Variants in RSRC1 observed in about 807,000 individuals in gnomAD.
RSRC1 encodes the protein arginine and serine rich coiled-coil 1, also known as serine/Arginine-related protein 53.
In RSRC1, 39 loss-of-function variants were observed where a neutral mutation model predicts 49.1. The observed-to-expected ratio is 0.79, with a 90% CI of 0.61 to 1.04. The LOEUF is 1.04. RSRC1 is among the 50% of genes least tolerant of loss of function. The pLI is 0.00. For missense variants in RSRC1, 388 were observed against 402.4 expected, an observed-to-expected ratio of 0.96 and a Z score of 0.31; for synonymous variants, 143 against 130.8, an observed-to-expected ratio of 1.09 and a Z score of -0.63.
At chr3:158,153,755 C>G (rs1326407994) in intron 3 of RSRC1, among the ~76,000 whole-genome samples, 2 of 152,146 alleles carry the variant, frequency 1.3e-5, no homozygotes, top group Non-Finnish European at 2.9e-5. Context: ...CGAACCTATA[C>G]TGTAAAGTTT....
chr3:158,157,790 C>T (rs1485666432), intron 3 of RSRC1, among the ~76,000 whole-genome samples: 2 of 152,192 alleles, frequency 1.3e-5, no homozygotes, highest in East Asian at 3.9e-4. Flanking sequence ...TGGCACATGC[C>T]TGTAATCCCA....
At chr3:158,224,587 T>A (rs954497763) in intron 4 of RSRC1, among the ~76,000 whole-genome samples, 5 of 151,852 alleles carry the variant, frequency 3.3e-5, no homozygotes, top group Non-Finnish European at 5.9e-5. Context: ...TTAAAGGCTT[T>A]CTCATTTCCT....
chr3:158,269,567 C>T (rs549214821), intron 4 of RSRC1, among the ~76,000 whole-genome samples: 1 of 151,968 alleles, frequency 6.6e-6, no homozygotes, highest in Non-Finnish European at 1.5e-5. Context: ...GGCTGAAGTG[C>T]AGTGGCACAA....
chr3:158,306,837 C>T (rs973205961), intron 5 of RSRC1, among the ~76,000 whole-genome samples: 1 of 151,888 alleles, frequency 6.6e-6, no homozygotes, highest in African/African-American at 2.4e-5. Context: ...CTTGTTGACT[C>T]TACCTTTTAA....
intron 3 of RSRC1, among the ~76,000 whole-genome samples, chr3:158,162,460 C>G (rs1368148437): frequency 6.6e-6 from 1 of 152,056 alleles, no homozygotes; most frequent in Admixed American, 6.6e-5. Context: ...ATATAACATT[C>G]AATGGAGTAG....
chr3:158,132,119 G>T (rs1213694692), intron 3 of RSRC1: 2 of 447,612 alleles, frequency 4.5e-6, no homozygotes, highest in Non-Finnish European at 9.0e-6. Flanking sequence ...GGGTAGCTGG[G>T]ACTACAGGTA....
At chr3:158,334,647 A>AC (rs1553788474) in intron 5 of RSRC1, among the ~76,000 whole-genome samples, 4 of 52,790 alleles carry the variant, frequency 7.6e-5, no homozygotes, top group Non-Finnish European at 1.5e-4. Flanking sequence ...CACCCAGCTA[A>AC]TTTGTGTGTG....
At chr3:158,443,755 C>G (rs2108377848) in intron 6 of RSRC1, among the ~76,000 whole-genome samples, 1 of 152,296 alleles carries the variant, frequency 6.6e-6, no homozygotes, top group South Asian at 2.1e-4. Context: ...TCCCTCATCT[C>G]AGCTTTTGAC....
chr3:158,518,561 T>C (rs2108487108), intron 7 of RSRC1, among the ~76,000 whole-genome samples: 1 of 152,246 alleles, frequency 6.6e-6, no homozygotes, highest in South Asian at 2.1e-4. Context: ...AAGTATCATT[T>C]AATTTATCAT....
intron 4 of RSRC1, among the ~76,000 whole-genome samples, chr3:158,262,666 AATAAT>A (rs1724967391): frequency 6.6e-6 from 1 of 152,164 alleles, no homozygotes; most frequent in Non-Finnish European, 1.5e-5. Flanking sequence ...TTGACATGTT[AATAAT>A]ATTGACTCTT....
intron 1 of RSRC1, among the ~76,000 whole-genome samples, chr3:158,121,873 G>A (rs1715282311): frequency 6.6e-6 from 1 of 152,094 alleles, no homozygotes; most frequent in Non-Finnish European, 1.5e-5. Flanking sequence ...AGAAATGGTG[G>A]CTCATGCCTG....
chr3:158,434,088 A>G (rs903108149), intron 6 of RSRC1, among the ~76,000 whole-genome samples: 1 of 151,970 alleles, frequency 6.6e-6, no homozygotes, highest in Admixed American at 6.6e-5. Flanking sequence ...TCACAATTAG[A>G]TCACTGCTAT....
chr3:158,417,527 G>A (rs909885196), intron 6 of RSRC1, among the ~76,000 whole-genome samples: 1 of 151,848 alleles, frequency 6.6e-6, no homozygotes, highest in African/African-American at 2.4e-5. Flanking sequence ...TCTGAAAAAC[G>A]GTTTTCACTA....
At chr3:158,216,166 C>G (rs1221761932) in intron 4 of RSRC1, among the ~76,000 whole-genome samples, 3 of 151,362 alleles carry the variant, frequency 2.0e-5, no homozygotes, top group Non-Finnish European at 3.0e-5. Flanking sequence ...TTTAATAGTT[C>G]CATAATATAA....
chr3:158,115,848 T>C (rs1714769994), intron 1 of RSRC1, among the ~76,000 whole-genome samples: 1 of 152,190 alleles, frequency 6.6e-6, no homozygotes, highest in South Asian at 2.1e-4. Context: ...GTCTTTCGTA[T>C]TACACCAAAA....
rs151130346 is a variant in RSRC1 at position 158,226,627 on chromosome 3, A to C, written c.494+23382A>C. ...TTGCACTTTTGTCCACAGTGACTCC[A>C]TGGTAAAGTACATGACTCAGCATCC... On this transcript the variant is annotated intron_variant, in intron 4 of 9. Transcript: ENST00000611884. Among the ~76,000 whole-genome samples the C allele has an allele frequency of 2.0e-5, 3 of 152,036 alleles. No homozygotes were observed. In the East Asian group the frequency reaches 5.8e-4, roughly 30 times the overall value.
At chr3:158,162,584 T>G (rs1267770783) in intron 3 of RSRC1, among the ~76,000 whole-genome samples, 1 of 152,202 alleles carries the variant, frequency 6.6e-6, no homozygotes, top group Non-Finnish European at 1.5e-5. Context: ...GCCTTTGCAT[T>G]GCTTACTTTT....
chr3:158,325,344 G>C lies in RSRC1; in HGVS notation c.531+27269G>C, dbSNP rs963957994. Reference sequence around the variant, plus strand: ...ATAGTATTGCCTAGGTTTTCTTCTAGGGTTTTTATGGTTTTAGGTCTAAGA... The same window carrying C: ...ATAGTATTGCCTAGGTTTTCTTCTACGGTTTTTATGGTTTTAGGTCTAAGA... On this transcript the variant is annotated intron_variant, in intron 5 of 9. Transcript: ENST00000611884. 1.1e-4 allele frequency among the ~76,000 whole-genome samples: 17 copies of C among 152,136 alleles called. 1 individual carries two copies. The highest frequency in any genetic ancestry group is 1.1e-3 in the Admixed American group (17 of 15,268).
intron 4 of RSRC1, among the ~76,000 whole-genome samples, chr3:158,207,693 C>A (rs1044444004): frequency 9.7e-5 from 8 of 82,420 alleles, no homozygotes; most frequent in Non-Finnish European, 1.6e-4. Context: ...AGACAGGACA[C>A]AAAGTATATA....
Sources: gnomAD v4.1 joint callset for allele counts (sites outside exome capture counted in the v4.1 genomes callset) on GRCh38, gnomAD v4.1.1 for gene constraint, MANE v1.5 for transcripts, NCBI Gene and HGNC (gene_info 2026-07-23, HGNC 2026-07-21) for gene names.